DACH1: variants seen among roughly 807,000 people sequenced by gnomAD.
The protein encoded by DACH1 is dachshund homolog 1.
In DACH1, 12 loss-of-function variants were observed where a neutral mutation model predicts 54.2. That is an observed-to-expected ratio of 0.22 (90% confidence interval 0.14 to 0.36). The LOEUF is 0.36. DACH1 is among the 10% of genes least tolerant of loss of function. The pLI, the probability that DACH1 is intolerant of heterozygous loss-of-function variation, is 1.00. For missense variants in DACH1, 805 were observed against 929.8 expected, an observed-to-expected ratio of 0.87 and a Z score of 1.75; for synonymous variants, 386 against 366.2, an observed-to-expected ratio of 1.05 and a Z score of -0.62.
intron 1 of DACH1, among the ~76,000 whole-genome samples, chr13:71,750,522 A>G (rs1462962870): frequency 6.6e-6 from 1 of 152,214 alleles, no homozygotes; most frequent in Non-Finnish European, 1.5e-5. Flanking sequence ...TGTCTTAGCT[A>G]GAGTATATTA....
At chr13:71,817,856 C>T (rs536447320) in intron 1 of DACH1, among the ~76,000 whole-genome samples, 2 of 146,750 alleles carry the variant, frequency 1.4e-5, no homozygotes, top group African/African-American at 5.1e-5. Context: ...GCTCTGTCAC[C>T]CAGGCTGGAG....
At chr13:71,462,871 TACACACACACACACAC>T (rs374818301) in intron 10 of DACH1, among the ~76,000 whole-genome samples, 22 of 102,884 alleles carry the variant, frequency 2.1e-4, no homozygotes, top group African/African-American at 6.6e-4. Context: ...TCTATCTATC[TACACACACACACACAC>T]ACACACACAC....
chr13:71,470,274 T>C (rs949842846), intron 10 of DACH1, among the ~76,000 whole-genome samples: 5 of 151,316 alleles, frequency 3.3e-5, no homozygotes, highest in Non-Finnish European at 7.4e-5. Context: ...AGCTATTGCA[T>C]ATAAACATTA....
chr13:71,638,380 G>A (rs1041513173), intron 2 of DACH1, among the ~76,000 whole-genome samples: 1 of 152,120 alleles, frequency 6.6e-6, no homozygotes, highest in East Asian at 1.9e-4. Context: ...CGCAGTCCTG[G>A]TTCCTAACCA....
At chr13:71,739,826 C>T (rs1884306623) in intron 1 of DACH1, among the ~76,000 whole-genome samples, 1 of 152,156 alleles carries the variant, frequency 6.6e-6, no homozygotes. Flanking sequence ...TCATAGAATG[C>T]TGTTACAAAT....
At chr13:71,737,288 G>T (rs945301574) in intron 1 of DACH1, among the ~76,000 whole-genome samples, 1 of 152,102 alleles carries the variant, frequency 6.6e-6, no homozygotes, top group Non-Finnish European at 1.5e-5. Context: ...ACTAGGCGTT[G>T]TGCAAAACCA....
intron 1 of DACH1, among the ~76,000 whole-genome samples, chr13:71,814,515 C>A (rs984303212): frequency 6.6e-6 from 1 of 152,090 alleles, no homozygotes; most frequent in African/African-American, 2.4e-5. Flanking sequence ...TGGCACCAAA[C>A]AAGTTGCAGA....
intron 1 of DACH1, among the ~76,000 whole-genome samples, chr13:71,769,653 A>G (rs886106578): frequency 6.6e-6 from 1 of 151,708 alleles, no homozygotes; most frequent in African/African-American, 2.4e-5. Context: ...CCAAGATTTT[A>G]AAACCATTGT....
intron 1 of DACH1, among the ~76,000 whole-genome samples, chr13:71,796,201 A>C (rs1887043008): frequency 1.3e-5 from 2 of 152,166 alleles, no homozygotes; most frequent in East Asian, 1.9e-4. Flanking sequence ...ATGAAAAAGA[A>C]GTTAGAATAA....
intron 3 of DACH1, among the ~76,000 whole-genome samples, chr13:71,594,978 G>A (rs951600212): frequency 1.3e-5 from 2 of 152,238 alleles, no homozygotes; most frequent in South Asian, 2.1e-4. Context: ...AAGGGCTGTG[G>A]AGAAAAATAA....
At chr13:71,809,053 G>T (rs1887613046) in intron 1 of DACH1, among the ~76,000 whole-genome samples, 2 of 152,176 alleles carry the variant, frequency 1.3e-5, no homozygotes, top group Non-Finnish European at 2.9e-5. Flanking sequence ...CGTTTCAATA[G>T]GGGAGGAATA....
intron 3 of DACH1, among the ~76,000 whole-genome samples, chr13:71,605,924 T>G (rs1874849463): frequency 2.6e-5 from 4 of 151,980 alleles, no homozygotes; most frequent in Admixed American, 2.6e-4. Context: ...GTAGGGACTG[T>G]GGATGACTTC....
At chr13:71,620,994 C>T (rs889614370) in intron 3 of DACH1, among the ~76,000 whole-genome samples, 2 of 151,646 alleles carry the variant, frequency 1.3e-5, no homozygotes, top group Admixed American at 6.6e-5. Context: ...TAAAGCCATG[C>T]ATGAGGTAGA....
At chr13:71,757,682 C>T (rs1246904499) in intron 1 of DACH1, among the ~76,000 whole-genome samples, 2 of 152,006 alleles carry the variant, frequency 1.3e-5, no homozygotes, top group African/African-American at 4.8e-5. Flanking sequence ...CGCCATTATG[C>T]CCAGCTAATT....
intron 2 of DACH1, among the ~76,000 whole-genome samples, chr13:71,634,374 C>T (rs1054435540): frequency 6.6e-6 from 1 of 152,134 alleles, no homozygotes; most frequent in Non-Finnish European, 1.5e-5. Flanking sequence ...CCCTGCCTAT[C>T]TGTATGTATT....
At chr13:71,772,181 G>T (rs1367637362) in intron 1 of DACH1, among the ~76,000 whole-genome samples, 1 of 151,482 alleles carries the variant, frequency 6.6e-6, no homozygotes, top group Non-Finnish European at 1.5e-5. Context: ...ATGTTCTGAT[G>T]TTTAAAAGGA....
chr13:71,839,580 C>G (rs1278034088), intron 1 of DACH1, among the ~76,000 whole-genome samples: 2 of 151,916 alleles, frequency 1.3e-5, no homozygotes, highest in African/African-American at 4.8e-5. Context: ...GCACTCCAGC[C>G]TGGGCAACAG....
intron 3 of DACH1, among the ~76,000 whole-genome samples, chr13:71,580,216 G>T (rs2138431596): frequency 6.6e-6 from 1 of 152,116 alleles, no homozygotes; most frequent in East Asian, 1.9e-4. Context: ...AAGCAGTTTG[G>T]TATAAAGTAT....
chr13:71,514,176 T>C (rs1215327652), intron 6 of DACH1, among the ~76,000 whole-genome samples: 2 of 152,022 alleles, frequency 1.3e-5, no homozygotes, highest in Non-Finnish European at 2.9e-5. Context: ...TGTTTAATTA[T>C]GCTAATCATC....
Sources: allele counts gnomAD v4.1 joint callset (sites outside exome capture counted in the v4.1 genomes callset), GRCh38; gene constraint gnomAD v4.1.1; transcripts MANE v1.5; gene names NCBI Gene and HGNC (gene_info 2026-07-23, HGNC 2026-07-21).